VSIG10: variants seen among roughly 807,000 people sequenced by gnomAD.
The protein encoded by VSIG10 is V-set and immunoglobulin domain containing 10, also known as V-set and immunoglobulin domain-containing protein 10.
A neutral mutation model predicts 58.7 loss-of-function variants in VSIG10; 48 were observed. The ratio of observed to expected loss-of-function variants is 0.82; its 90% CI spans 0.65 to 1.04. The LOEUF (loss-of-function observed/expected upper bound fraction) is 1.04. VSIG10 is among the 50% of genes least tolerant of loss of function. VSIG10 has a pLI of 0.00. For missense variants in VSIG10, 628 were observed against 670.0 expected (o/e 0.94, Z 0.69); for synonymous variants, 260 against 267.1 (o/e 0.97, Z 0.26).
In VSIG10 at chr12:118,071,383, AATGCAAC is replaced by A. The variant is rs1482124131; in HGVS notation, c.1299_1305del (p.Leu434IlefsTer9). 3 of 1,613,728 alleles carry A rather than the reference AATGCAAC, an allele frequency of 1.9e-6. No homozygotes were observed. Among genetic ancestry groups the A allele is most frequent in the African/African-American group, 2.7e-5 (2 of 74,900 alleles). On this transcript the variant is annotated frameshift_variant, in exon 6 of 9. Transcript: ENST00000359236. LOFTEE classifies it high-confidence loss of function. ...CCTTTCCAGCAGAACACAGGGCTAT[AATGCAAC>A]AGAAGCCCTGAGATAATGGCCAGTC... is the stretch of plus-strand genomic sequence containing the variant.
chr12:118,103,383 G>A lies in VSIG10; in HGVS notation c.79+210C>T, dbSNP rs35800761. 3.3e-5 allele frequency among the ~76,000 whole-genome samples: 5 copies of A among 152,084 alleles called. No individual in the cohort carries two copies. The South Asian group carries it at 1.0e-3, about 32-fold the overall frequency. ...GGCTGCCCACCCCAGGAGGCTGGGG[G>A]TATCTCGCCCCGCACCGGGCGCCCG... On this transcript the variant is annotated intron_variant, in intron 1 of 8. Coordinates refer to ENST00000359236, the MANE Select transcript of VSIG10 (RefSeq NM_019086.6).
chr12:118,064,767 G>T lies in VSIG10; in HGVS notation c.*1872C>A, dbSNP rs994194514. The T allele has an allele frequency of 2.6e-5, 4 of 152,170 alleles. No individual in the cohort carries two copies. Among genetic ancestry groups the T allele is most frequent in the Non-Finnish European group, 4.4e-5 (3 of 68,046 alleles). The allele number at this position is 152,170 out of a possible 1,614,324, so 9.4% of individuals were successfully genotyped here. A position where few individuals can be genotyped will look rare whatever the true frequency, so the allele number is the denominator to read the frequency against. On this transcript the variant is annotated 3_prime_UTR_variant, in exon 9 of 9. Transcript: ENST00000359236. ...CCCAGTGTTCTGAGCAGGGGACAGGGCATACTTCTAGTGATTTGCTCAGTT... is the reference window on the plus strand; with the variant it reads ...CCCAGTGTTCTGAGCAGGGGACAGGTCATACTTCTAGTGATTTGCTCAGTT...
At chr12:118,097,785 T>TG (rs750059333) in intron 1 of VSIG10, among the ~76,000 whole-genome samples, 3 of 151,912 alleles carry the variant, frequency 2.0e-5, no homozygotes, top group Non-Finnish European at 2.9e-5. Context: ...TAGCTGGGCA[T>TG]GGTGGCAGGT....
At chr12:118,091,113 C>T (rs933013504) in intron 2 of VSIG10, among the ~76,000 whole-genome samples, 14 of 152,014 alleles carry the variant, frequency 9.2e-5, no homozygotes, top group African/African-American at 2.9e-4. Context: ...CCAGCCTGGA[C>T]GACAGAGGGA....
At chr12:118,098,268 TCTCCCTCTCTCTCC>T (rs1566179687) in intron 1 of VSIG10, among the ~76,000 whole-genome samples, 2 of 141,864 alleles carry the variant, frequency 1.4e-5, no homozygotes, top group Non-Finnish European at 3.0e-5. Flanking sequence ...TCTCTCCGCC[TCTCCCTCTCTCTCC>T]GCCTCTCCCT....
chr12:118,089,306 C>T (rs1202628467), intron 2 of VSIG10, among the ~76,000 whole-genome samples: 1 of 152,150 alleles, frequency 6.6e-6, no homozygotes, highest in Non-Finnish European at 1.5e-5. Context: ...CAAGACCTTG[C>T]CTTTATCTCC....
At chr12:118,095,032 T>C (rs2033407129) in intron 2 of VSIG10, among the ~76,000 whole-genome samples, 1 of 151,746 alleles carries the variant, frequency 6.6e-6, no homozygotes. Context: ...GATTCCCAAA[T>C]AGCTGGGACT....
intron 2 of VSIG10, among the ~76,000 whole-genome samples, chr12:118,087,971 C>T (rs539358529): frequency 1.2e-3 from 176 of 152,062 alleles, no homozygotes; most frequent in African/African-American, 4.0e-3. Flanking sequence ...TGAGGCTGGG[C>T]GCGGTGGCTC....
intron 2 of VSIG10, among the ~76,000 whole-genome samples, chr12:118,090,220 G>A (rs1239023099): frequency 6.6e-6 from 1 of 152,118 alleles, no homozygotes; most frequent in Non-Finnish European, 1.5e-5. Flanking sequence ...CAGAAGAATC[G>A]CTTGAACACA....
intron 1 of VSIG10, among the ~76,000 whole-genome samples, chr12:118,099,501 G>T (rs1369643497): frequency 6.6e-6 from 1 of 152,020 alleles, no homozygotes; most frequent in Non-Finnish European, 1.5e-5. Flanking sequence ...ACTGTCACTA[G>T]GTAACAAGAA....
intron 3 of VSIG10, 24 bp downstream of exon 3, chr12:118,082,103 G>A (rs1040870796): frequency 3.7e-6 from 6 of 1,606,684 alleles, no homozygotes; most frequent in Middle Eastern, 1.7e-4. Flanking sequence ...GAAGAAGCGG[G>A]GCAGAGGAGT....
intron 1 of VSIG10, among the ~76,000 whole-genome samples, chr12:118,100,902 T>C (rs1226183437): frequency 6.6e-6 from 1 of 152,218 alleles, no homozygotes; most frequent in Admixed American, 6.5e-5. Flanking sequence ...GAAAGGAAGA[T>C]GAACTTCAGA....
intron 4 of VSIG10, among the ~76,000 whole-genome samples, chr12:118,074,698 CAA>C (rs1238272483): frequency 2.0e-5 from 3 of 152,076 alleles, no homozygotes; most frequent in Non-Finnish European, 4.4e-5. Context: ...AGGCTAGTCT[CAA>C]ACTCCTGACC....
chr12:118,079,266 A>C (rs1593508936), intron 4 of VSIG10, 80 bp downstream of exon 4: 1 of 1,537,502 alleles, frequency 6.5e-7, no homozygotes, highest in Non-Finnish European at 8.8e-7. Context: ...TTTCTTCCTC[A>C]GAAGAACTCT....
At chr12:118,080,995 C>T (rs986446161) in intron 3 of VSIG10, among the ~76,000 whole-genome samples, 1 of 152,082 alleles carries the variant, frequency 6.6e-6, no homozygotes, top group Non-Finnish European at 1.5e-5. Context: ...AATCCCAGTA[C>T]TTTAGGAGGC....
intron 2 of VSIG10, among the ~76,000 whole-genome samples, chr12:118,092,086 T>A (rs2033316250): frequency 6.6e-6 from 1 of 151,862 alleles, no homozygotes; most frequent in Admixed American, 6.6e-5. Context: ...TGAGGCAGGA[T>A]CTCACTCTGT....
At chr12:118,079,639 T>C (rs373840863) in intron 3 of VSIG10, 33 bp from the exon 4 acceptor site, 60 of 1,609,956 alleles carry the variant, frequency 3.7e-5, no homozygotes, top group Non-Finnish European at 4.5e-5. Context: ...ATGGGCTGAA[T>C]CACAGACTCT....
At chr12:118,095,330 T>G (rs748196582) in intron 2 of VSIG10, among the ~76,000 whole-genome samples, 2 of 152,172 alleles carry the variant, frequency 1.3e-5, no homozygotes, top group Non-Finnish European at 2.9e-5. Context: ...CATGAGCCAC[T>G]GCGCCCGGCC....
intron 5 of VSIG10, among the ~76,000 whole-genome samples, chr12:118,071,741 A>C (rs2032502662): frequency 6.6e-6 from 1 of 152,256 alleles, no homozygotes; most frequent in South Asian, 2.1e-4. Context: ...CATGGTAAGT[A>C]AGAGTGTTGA....
Sources: allele counts gnomAD v4.1 joint callset (sites outside exome capture counted in the v4.1 genomes callset), GRCh38; gene constraint gnomAD v4.1.1; transcripts MANE v1.5; gene names NCBI Gene and HGNC (gene_info 2026-07-23, HGNC 2026-07-21).